FBXO42: variants seen among roughly 807,000 people sequenced by gnomAD.
The protein encoded by FBXO42 is F-box protein 42, also known as F-box only protein 42.
A neutral mutation model predicts 71.7 loss-of-function variants in FBXO42; 12 were observed. The observed-to-expected ratio is 0.17, with a 90% CI of 0.11 to 0.27. The LOEUF (loss-of-function observed/expected upper bound fraction) is 0.27, where lower values mean the gene tolerates loss of function less well. Among genes scored for constraint, FBXO42 ranks in the 10% least tolerant of loss-of-function variants. The pLI is 1.00. For synonymous variants in FBXO42, 325 were observed against 327.5 expected (o/e 0.99, Z 0.08); for missense variants, 707 against 911.9 (o/e 0.78, Z 2.89).
At chr1:16,323,203 G>C (rs574081524) in intron 1 of FBXO42, among the ~76,000 whole-genome samples, 3 of 152,066 alleles carry the variant, frequency 2.0e-5, no homozygotes, top group East Asian at 3.9e-4. Context: ...GGAATCACAA[G>C]GTCAGGAGTT....
intron 3 of FBXO42, among the ~76,000 whole-genome samples, chr1:16,301,052 C>A (rs527522673): frequency 6.6e-6 from 1 of 152,104 alleles, no homozygotes; most frequent in East Asian, 1.9e-4. Flanking sequence ...CGTGCGCCCA[C>A]CACGCCCAGC....
At chr1:16,297,496 A>G (rs2100537139) in intron 3 of FBXO42, among the ~76,000 whole-genome samples, 1 of 152,312 alleles carries the variant, frequency 6.6e-6, no homozygotes, top group South Asian at 2.1e-4. Flanking sequence ...ATCTGAAGAA[A>G]TAAAATACCA....
intron 4 of FBXO42, among the ~76,000 whole-genome samples, chr1:16,265,864 T>C (rs1299489060): frequency 1.3e-5 from 2 of 151,888 alleles, no homozygotes; most frequent in African/African-American, 4.8e-5. Context: ...ATCTGCATAC[T>C]ACACAGTTGG....
At chr1:16,314,203 G>A (rs904267156) in intron 2 of FBXO42, among the ~76,000 whole-genome samples, 4 of 152,144 alleles carry the variant, frequency 2.6e-5, no homozygotes, top group African/African-American at 7.2e-5. Flanking sequence ...ACCTGCCTTG[G>A]CCTCGCAAAG....
chr1:16,315,242 C>G lies in FBXO42; in HGVS notation c.177G>C (p.Leu59=), dbSNP rs964428371. Residue 59 remains leucine (L), a synonymous_variant, in exon 2 of 10, where the codon CTG becomes CTC. Coordinates refer to ENST00000375592, the MANE Select transcript of FBXO42 (RefSeq NM_018994.3). ...GTTCCTGATACGGTGAGAGAAAGGA[C>G]AGGATATACTCCAAAACCTCTTCTG... ...ELPEEVLEYI[L]SFLSPYQEHK... is the part of the protein sequence containing the mutation. 3.1e-6 allele frequency: 5 copies of G among 1,614,140 alleles called. No individual in the cohort carries two copies. The highest frequency in any genetic ancestry group is 4.2e-6 in the Non-Finnish European group (5 of 1,180,016).
At chr1:16,343,466 A>C (rs1240838572) in intron 1 of FBXO42, among the ~76,000 whole-genome samples, 1 of 152,136 alleles carries the variant, frequency 6.6e-6, no homozygotes, top group Non-Finnish European at 1.5e-5. Context: ...CAGTAACTTG[A>C]GCCTGGGAGG....
At chr1:16,350,759 A>AGAAAGAAAGAAAGAAAGAT (rs1557612383) in intron 1 of FBXO42, among the ~76,000 whole-genome samples, 1 of 132,462 alleles carries the variant, frequency 7.5e-6, no homozygotes, top group African/African-American at 2.7e-5. Flanking sequence ...AAAAAAAAAA[A>AGAAAGAAAGAAAGAAAGAT]AGAAAGAAAG....
Position 16,252,189 on chromosome 1 carries a change from T to C in FBXO42, c.1038+99A>G. On this transcript the variant is annotated intron_variant, in intron 9 of 9. Transcript: ENST00000375592. The surrounding 1 kb of genome is among the most constrained non-coding windows in gnomAD (Gnocchi z 4.4). ...ACCTCTTTTGTGACACCAAGGTGTT[T>C]TCTATTTTTGTACAAATTTCTTTGT... 1.1e-6 allele frequency: 1 copy of C among 935,804 alleles called. No individual in the cohort carries two copies. Among genetic ancestry groups the C allele is most frequent in the Non-Finnish European group, 1.7e-6 (1 of 590,302 alleles). 58.0% of individuals were successfully genotyped at this position (935,804 alleles called of 1,614,324 possible).
chr1:16,264,571 T>C (rs2081751001), intron 4 of FBXO42, among the ~76,000 whole-genome samples: 1 of 152,192 alleles, frequency 6.6e-6, no homozygotes, highest in South Asian at 2.1e-4. Context: ...TGTGCCCACA[T>C]CAAGCGTAGA....
At chr1:16,296,929 C>T (rs1268358863) in intron 3 of FBXO42, among the ~76,000 whole-genome samples, 15 of 142,110 alleles carry the variant, frequency 1.1e-4, no homozygotes, top group African/African-American at 3.8e-4. Flanking sequence ...TCCCCCGCAC[C>T]CCCCACCCCC....
rs114850493 is a variant in FBXO42 at position 16,319,004 on chromosome 1, T to C, written c.-17-3569A>G. Among the ~76,000 whole-genome samples, 249 of 152,288 alleles carry C rather than the reference T, an allele frequency of 1.6e-3. 2 individuals carry two copies. The highest frequency in any genetic ancestry group is 4.2e-3 in the African/African-American group (173 of 41,566). On this transcript the variant is annotated intron_variant, in intron 1 of 9. Coordinates refer to ENST00000375592, the MANE Select transcript of FBXO42 (RefSeq NM_018994.3). ...TTTTGAAGGGATAATTTTATTATTT[T>C]TTAATACATTTATTTCTCTTGCTCC...
chr1:16,304,779 G>A (rs35083244), intron 3 of FBXO42, among the ~76,000 whole-genome samples: 1,831 of 151,976 alleles, frequency 0.012, 30 homozygotes, highest in Admixed American at 0.043. Flanking sequence ...GACCAGCCTG[G>A]CCAACATGGC....
chr1:16,311,503 A>AATATATAT (rs1553153697), intron 2 of FBXO42, among the ~76,000 whole-genome samples: 23 of 65,552 alleles, frequency 3.5e-4, no homozygotes, highest in South Asian at 9.4e-4. Context: ...AAAAAAAAAA[A>AATATATAT]ATATATATAT....
At position 16,252,507 on chromosome 1, in the gene FBXO42, G is replaced by A; in HGVS notation, c.922-103C>T. 1 of 884,250 alleles carries A rather than the reference G, an allele frequency of 1.1e-6. No homozygotes were observed. The allele number at this position is 884,250 out of a possible 1,614,324, so 54.8% of individuals were successfully genotyped here. A position where few individuals can be genotyped will look rare whatever the true frequency, so the allele number is the denominator to read the frequency against. On this transcript the variant is annotated intron_variant, in intron 8 of 9. Transcript: ENST00000375592. The surrounding 1 kb of genome is among the most constrained non-coding windows in gnomAD (Gnocchi z 4.4). ...AAAGCTCTCCTGTCTGGTCTTGAAA[G>A]GATGTGGACTCTTCAGAAGGATAGC...
chr1:16,323,105 G>A (rs2082421229), intron 1 of FBXO42, among the ~76,000 whole-genome samples: 1 of 152,166 alleles, frequency 6.6e-6, no homozygotes, highest in Admixed American at 6.6e-5. Flanking sequence ...AAACGTATTT[G>A]TCACAAATTC....
rs1370543293 is a variant in FBXO42, at chr1:16,251,711, G to A, written c.1113C>T (p.Arg371=). The A allele has an allele frequency of 1.2e-6, 2 of 1,614,098 alleles. No individual in the cohort carries two copies. The highest frequency in any genetic ancestry group is 1.6e-4 in the Middle Eastern group (1 of 6,084). ...GAGGAGTGGCACTGATAGGTGATGG[G>A]CGAGAGTTCAAACTGGGGCTGAGTG... The part of the protein sequence containing the change: ...RAPLSPSLNS[R]PSPISATPPA... The change falls in exon 10 of 10, where the codon CGC becomes CGT. Residue 371 remains arginine, a synonymous_variant. Transcript: ENST00000375592. The surrounding 1 kb of genome is among the most constrained non-coding windows in gnomAD (Gnocchi z 4.5).
In FBXO42 at chr1:16,310,962, G is replaced by A. The variant is rs189912508; in HGVS notation, c.250+4207C>T. 1.9e-3 allele frequency among the ~76,000 whole-genome samples: 248 copies of A among 130,896 alleles called. 2 individuals carry two copies. The highest frequency in any genetic ancestry group is 4.8e-3 in the African/African-American group (170 of 35,526). The allele number at this position is 130,896 out of a possible 152,430, so 85.9% of individuals were successfully genotyped here. On this transcript the variant is annotated intron_variant, in intron 2 of 9. Coordinates refer to ENST00000375592, the MANE Select transcript of FBXO42 (RefSeq NM_018994.3). Reference sequence around the variant, plus strand: ...GCACTCCAGCCTGGGCAACAGAGCCGGACTCCATCTCAAAACAAACAAACA... The same window carrying A: ...GCACTCCAGCCTGGGCAACAGAGCCAGACTCCATCTCAAAACAAACAAACA...
At chr1:16,255,107 G>A (rs990337447) in intron 6 of FBXO42, among the ~76,000 whole-genome samples, 1 of 152,142 alleles carries the variant, frequency 6.6e-6, no homozygotes, top group African/African-American at 2.4e-5. Context: ...TTCTGTTCTC[G>A]AAAGTTGGCC....
chr1:16,265,725 T>C (rs905612350), intron 4 of FBXO42, among the ~76,000 whole-genome samples: 3 of 150,666 alleles, frequency 2.0e-5, no homozygotes, highest in Non-Finnish European at 4.4e-5. Flanking sequence ...GGTTATTTAA[T>C]GAAAGAAGAG....
Sources: gnomAD v4.1 joint callset for allele counts (sites outside exome capture counted in the v4.1 genomes callset) on GRCh38, gnomAD v4.1.1 for gene constraint, Gnocchi (gnomAD v3.1) non-coding constraint, MANE v1.5 for transcripts, NCBI Gene and HGNC (gene_info 2026-07-23, HGNC 2026-07-21) for gene names.